CCDC178: variants seen among roughly 807,000 people sequenced by gnomAD.
The protein encoded by CCDC178 is coiled-coil domain-containing protein 178.
Under a neutral mutation model 117.4 loss-of-function variants are expected in CCDC178, and 126 were observed. That is an observed-to-expected ratio of 1.07 (90% CI 0.93 to 1.24). CCDC178 has a LOEUF of 1.24. CCDC178 is among the 50% of genes most tolerant of loss of function. The pLI, the probability that CCDC178 is intolerant of heterozygous loss-of-function variation, is 0.00. For synonymous variants in CCDC178, 283 were observed against 313.4 expected (o/e 0.90, Z 1.02); for missense variants, 1,030 against 986.9 (o/e 1.04, Z -0.59).
chr18:33,048,555 T>C (rs1275656926), intron 21 of CCDC178, among the ~76,000 whole-genome samples: 1 of 152,200 alleles, frequency 6.6e-6, no homozygotes, highest in Non-Finnish European at 1.5e-5. Flanking sequence ...CTTACTTGCT[T>C]CATCTTTGTG....
intron 2 of CCDC178, among the ~76,000 whole-genome samples, chr18:33,416,243 C>T (rs974869204): frequency 1.6e-4 from 24 of 152,018 alleles, no homozygotes; most frequent in Admixed American, 1.3e-3. Context: ...CTGACTGACA[C>T]GGTGAAACCC....
At chr18:32,943,789 G>C (rs1220680229) in intron 22 of CCDC178, among the ~76,000 whole-genome samples, 1 of 152,142 alleles carries the variant, frequency 6.6e-6, no homozygotes, top group Non-Finnish European at 1.5e-5. Context: ...TTAAAACTCA[G>C]CACTTCTGAA....
intron 6 of CCDC178, among the ~76,000 whole-genome samples, chr18:33,361,658 G>A (rs1024409128): frequency 2.6e-5 from 4 of 151,590 alleles, no homozygotes; most frequent in Non-Finnish European, 5.9e-5. Context: ...AGGACATGAC[G>A]TATCTTCAAA....
intron 8 of CCDC178, among the ~76,000 whole-genome samples, chr18:33,348,480 A>T (rs895990526): frequency 6.6e-6 from 1 of 151,970 alleles, no homozygotes; most frequent in African/African-American, 2.4e-5. Flanking sequence ...ATGCAACTTA[A>T]TTCACATTAA....
chr18:33,110,815 C>T (rs2057770708), intron 20 of CCDC178, among the ~76,000 whole-genome samples: 1 of 151,464 alleles, frequency 6.6e-6, no homozygotes, highest in South Asian at 2.1e-4. Flanking sequence ...ATAATGTGGC[C>T]TCATAGTAAG....
At chr18:33,339,737 T>A (rs1232630156) in intron 9 of CCDC178, among the ~76,000 whole-genome samples, 1 of 152,072 alleles carries the variant, frequency 6.6e-6, no homozygotes, top group East Asian at 1.9e-4. Context: ...CTGATGGGTC[T>A]ATCAGGGGTT....
intron 20 of CCDC178, among the ~76,000 whole-genome samples, chr18:33,168,571 A>AT: frequency 6.6e-6 from 1 of 152,222 alleles, no homozygotes; most frequent in East Asian, 1.9e-4. Context: ...ATAAAAATAA[A>AT]TTTTTAAAAT....
chr18:33,109,186 A>G (rs1476731801), intron 20 of CCDC178, among the ~76,000 whole-genome samples: 1 of 151,704 alleles, frequency 6.6e-6, no homozygotes, highest in Non-Finnish European at 1.5e-5. Flanking sequence ...ATAATATTGT[A>G]TTCTTTCAAG....
In CCDC178 at chr18:33,263,663, G is replaced by A. The variant is rs9955290; in HGVS notation, c.1409+3253C>T. On this transcript the variant is annotated intron_variant, in intron 14 of 22. Coordinates refer to ENST00000383096, the MANE Select transcript of CCDC178 (RefSeq NM_001105528.4). ...ATTTTCCAAATTTCTTACCACAAACGTGTTACAGACAGAGTGCTAAATAGA... is the reference window on the plus strand; with the variant it reads ...ATTTTCCAAATTTCTTACCACAAACATGTTACAGACAGAGTGCTAAATAGA... Among the ~76,000 whole-genome samples, 172 of 152,100 alleles carry A rather than the reference G, an allele frequency of 1.1e-3. 1 individual carries two copies. Among genetic ancestry groups the A allele is most frequent in the Middle Eastern group, 3.4e-3 (1 of 294 alleles).
chr18:32,960,831 T>C (rs2144657910), intron 22 of CCDC178, among the ~76,000 whole-genome samples: 1 of 152,274 alleles, frequency 6.6e-6, no homozygotes, highest in Non-Finnish European at 1.5e-5. Flanking sequence ...ATTTTTCTTA[T>C]AATTAATTTT....
intron 5 of CCDC178, among the ~76,000 whole-genome samples, chr18:33,371,794 C>CACAT (rs2063305252): frequency 6.6e-6 from 1 of 150,438 alleles, no homozygotes; most frequent in Non-Finnish European, 1.5e-5. Context: ...TACACACACA[C>CACAT]ACACACACAC....
At chr18:33,210,113 CTATT>C in intron 20 of CCDC178, among the ~76,000 whole-genome samples, 1 of 152,156 alleles carries the variant, frequency 6.6e-6, no homozygotes, top group Non-Finnish European at 1.5e-5. Context: ...TATTATCTAT[CTATT>C]TATTCATTCA....
At chr18:33,320,271 T>G (rs1255261310) in intron 11 of CCDC178, among the ~76,000 whole-genome samples, 4 of 152,080 alleles carry the variant, frequency 2.6e-5, no homozygotes, top group Admixed American at 6.6e-5. Context: ...AGAAAGAAAG[T>G]GTATTCAATT....
intron 21 of CCDC178, among the ~76,000 whole-genome samples, chr18:33,068,467 T>C (rs901674467): frequency 1.3e-5 from 2 of 152,076 alleles, no homozygotes; most frequent in African/African-American, 2.4e-5. Flanking sequence ...AAAGATAATA[T>C]ACCGTGATCA....
intron 20 of CCDC178, among the ~76,000 whole-genome samples, chr18:33,117,056 T>TG (rs1879762703): frequency 1.3e-5 from 2 of 152,100 alleles, no homozygotes; most frequent in South Asian, 4.1e-4. Context: ...ATAGTTTGGC[T>TG]GGATGACCAT....
At chr18:33,111,994 A>G (rs1384989744) in intron 20 of CCDC178, among the ~76,000 whole-genome samples, 2 of 151,866 alleles carry the variant, frequency 1.3e-5, no homozygotes, top group East Asian at 3.9e-4. Context: ...TCCCAAAGCT[A>G]TCCAAATTGC....
At chr18:33,409,579 A>T (rs1002376922) in intron 3 of CCDC178, among the ~76,000 whole-genome samples, 2 of 152,222 alleles carry the variant, frequency 1.3e-5, no homozygotes, top group African/African-American at 4.8e-5. Flanking sequence ...AACTTTTTCA[A>T]AAGTTAGTAT....
intron 15 of CCDC178, among the ~76,000 whole-genome samples, chr18:33,237,317 C>T (rs1293724012): frequency 6.6e-6 from 1 of 152,120 alleles, no homozygotes; most frequent in Non-Finnish European, 1.5e-5. Context: ...GGATCTGAGT[C>T]CCACCCAGGG....
intron 5 of CCDC178, among the ~76,000 whole-genome samples, chr18:33,385,279 A>G (rs1489092922): frequency 6.6e-6 from 1 of 152,224 alleles, no homozygotes; most frequent in African/African-American, 2.4e-5. Context: ...AGACTTTAAT[A>G]ACTCACTGTC....
Sources: allele counts gnomAD v4.1 joint callset (sites outside exome capture counted in the v4.1 genomes callset), GRCh38; gene constraint gnomAD v4.1.1; transcripts MANE v1.5; gene names NCBI Gene and HGNC (gene_info 2026-07-23, HGNC 2026-07-21).